Variants in IFI44L observed in about 807,000 individuals in gnomAD.
IFI44L encodes interferon induced protein 44 like.
In IFI44L, 40 loss-of-function variants were observed where a neutral mutation model predicts 39.3. The ratio of observed to expected loss-of-function variants is 1.02; its 90% CI spans 0.79 to 1.33. The LOEUF (loss-of-function observed/expected upper bound fraction) is 1.33, where lower values mean the gene tolerates loss of function less well. Ranked by LOEUF, IFI44L falls within the 40% of genes most tolerant of loss-of-function variation. The pLI is 0.00. For synonymous variants in IFI44L, 198 were observed against 182.3 expected (o/e 1.09, Z -0.69); for missense variants, 623 against 549.0 (o/e 1.13, Z -1.35).
chr1:78,633,153 C>A (rs1001713757), intron 4 of IFI44L, among the ~76,000 whole-genome samples: 4 of 152,142 alleles, frequency 2.6e-5, no homozygotes, highest in African/African-American at 7.2e-5. Flanking sequence ...ATCTGCATCA[C>A]CCCCCTCAAC....
At chr1:78,624,772 C>T (rs1294049501) in intron 1 of IFI44L, among the ~76,000 whole-genome samples, 2 of 152,138 alleles carry the variant, frequency 1.3e-5, no homozygotes, top group African/African-American at 4.8e-5. Context: ...GTTGGATGAA[C>T]ATATATTTAT....
intron 1 of IFI44L, chr1:78,626,731 T>C (rs1034409032): frequency 1.3e-5 from 2 of 152,010 alleles, no homozygotes; most frequent in Non-Finnish European, 2.9e-5. Flanking sequence ...GGTTTTTTTT[T>C]ACGTGGATGA....
At chr1:78,641,180 T>C in intron 7 of IFI44L, 59 bp downstream of exon 7, 1 of 1,169,716 alleles carries the variant, frequency 8.5e-7, no homozygotes, top group South Asian at 1.2e-5. Context: ...CATACGTGTG[T>C]GTGTTTGTGT....
rs1482715286 is a variant in IFI44L at position 78,643,643 on chromosome 1, T to TG, written c.*1834_*1835insG. Reference sequence around the variant, plus strand: ...TTTTTTTTGTTTGTTTTGTTTTTTTTTTGTTGTTGTTTTTTTTTTTTTTTG... The same window carrying TG: ...TTTTTTTTGTTTGTTTTGTTTTTTTTGTTGTTGTTGTTTTTTTTTTTTTTTG... On this transcript the variant is annotated 3_prime_UTR_variant, in exon 9 of 9. Coordinates refer to ENST00000370751, the MANE Select transcript of IFI44L (RefSeq NM_006820.4). 275 of 97,892 alleles carry TG rather than the reference T, an allele frequency of 2.8e-3. No homozygotes were observed. The highest frequency in any genetic ancestry group is 7.4e-3 in the African/African-American group (265 of 35,732). 6.1% of individuals were successfully genotyped at this position (97,892 alleles called of 1,614,324 possible).
chr1:78,625,122 T>C (rs1384119551), intron 1 of IFI44L, among the ~76,000 whole-genome samples: 1 of 151,972 alleles, frequency 6.6e-6, no homozygotes, highest in Non-Finnish European at 1.5e-5. Context: ...TCCATCTATA[T>C]TTATAAAAGA....
At chr1:78,633,225 C>T (rs1402657356) in intron 4 of IFI44L, among the ~76,000 whole-genome samples, 1 of 152,176 alleles carries the variant, frequency 6.6e-6, no homozygotes, top group East Asian at 1.9e-4. Context: ...GAAGTGAGCA[C>T]AGGACTTTGC....
intron 4 of IFI44L, among the ~76,000 whole-genome samples, chr1:78,635,014 G>C (rs1213197306): frequency 1.9e-5 from 1 of 51,692 alleles, no homozygotes; most frequent in Non-Finnish European, 3.5e-5. Context: ...GTGTGTGTGT[G>C]TGTGTGTATG....
In IFI44L at chr1:78,637,199, C is replaced by T; in HGVS notation, c.1044C>T (p.Asn348=). Residue 348 remains asparagine, a synonymous_variant, in exon 6 of 9, where the codon AAC becomes AAT. Coordinates refer to ENST00000370751, the MANE Select transcript of IFI44L (RefSeq NM_006820.4). The part of the protein sequence containing the change: ...KVKQVHKEVL[N]CGIAYVALLT... Reference sequence around the variant, plus strand: ...AGCAAGTTCACAAAGAAGTATTAAACTGTGGTGAGTCTCACTGAACTTATA... The same window carrying T: ...AGCAAGTTCACAAAGAAGTATTAAATTGTGGTGAGTCTCACTGAACTTATA... 1 of 1,599,768 alleles carries T rather than the reference C, an allele frequency of 6.3e-7. No homozygotes were observed. The highest frequency in any genetic ancestry group is 1.4e-5 in the African/African-American group (1 of 73,858).
Position 78,627,946 on chromosome 1 carries a change from G to T in IFI44L, c.31G>T (p.Asp11Tyr). 6.2e-7 allele frequency: 1 copy of T among 1,605,226 alleles called. No individual in the cohort carries two copies. The highest frequency in any genetic ancestry group is 8.5e-7 in the Non-Finnish European group (1 of 1,176,328). The change falls in exon 2 of 9, where the codon GAT becomes TAT. Residue 11 changes from aspartate to tyrosine, a missense_variant. Physicochemically the swap from Asp to Tyr is radical, Grantham distance 160. Transcript: ENST00000370751. Reference protein sequence around the residue: MEVTTRLTWNDENHLRKLLGN... With the variant: MEVTTRLTWNYENHLRKLLGN... ...AGTGACAACAAGATTGACATGGAAT[G>T]ATGAAAATCATCTGCGCAAGCTGCT... is the stretch of plus-strand genomic sequence containing the variant.
intron 4 of IFI44L, 116 bp from the exon 5 acceptor site, chr1:78,635,221 C>T (rs1262906628): frequency 6.3e-6 from 5 of 791,448 alleles, no homozygotes; most frequent in Non-Finnish European, 1.0e-5. Flanking sequence ...GTCCTGAGAC[C>T]AAACTGTTTG....
In IFI44L at chr1:78,644,888, A is replaced by G. The variant is rs1647030478; in HGVS notation, c.*3079A>G. ...CGTTAGGTTGTTGCATTAGAAAGTG[A>G]CTGTTTCTGACAGAAATTTGTAGCT... On this transcript the variant is annotated 3_prime_UTR_variant, in exon 9 of 9. Coordinates refer to ENST00000370751, the MANE Select transcript of IFI44L (RefSeq NM_006820.4). The G allele has an allele frequency of 6.6e-6, 1 of 152,140 alleles. No individual in the cohort carries two copies. Among genetic ancestry groups the G allele is most frequent in the Non-Finnish European group, 1.5e-5 (1 of 68,014 alleles). The allele number at this position is 152,140 out of a possible 1,614,324, so 9.4% of individuals were successfully genotyped here.
chr1:78,624,015 T>G (rs1260568605), intron 1 of IFI44L, among the ~76,000 whole-genome samples: 1 of 152,190 alleles, frequency 6.6e-6, no homozygotes, highest in Non-Finnish European at 1.5e-5. Context: ...TTTCCTTTCT[T>G]TTCTTTTTTT....
intron 5 of IFI44L, 158 bp downstream of exon 5, chr1:78,635,647 T>C (rs1204195553): frequency 9.3e-6 from 6 of 647,998 alleles, no homozygotes; most frequent in Non-Finnish European, 1.6e-5. Context: ...TATGAAAAAG[T>C]AGAGTGACTA....
intron 5 of IFI44L, chr1:78,635,979 T>G (rs1652936717): frequency 6.0e-6 from 1 of 166,442 alleles, no homozygotes; most frequent in Non-Finnish European, 1.3e-5. Flanking sequence ...TTTTTTTTTT[T>G]TTTTCAGGTG....
chr1:78,632,416 G>A (rs938652295), intron 4 of IFI44L, among the ~76,000 whole-genome samples: 1 of 152,192 alleles, frequency 6.6e-6, no homozygotes, highest in Non-Finnish European at 1.5e-5. Context: ...AATATTGCAT[G>A]ATGAAATGTG....
intron 4 of IFI44L, 144 bp downstream of exon 4, chr1:78,630,059 C>T (rs1173363185): frequency 6.5e-6 from 5 of 774,640 alleles, no homozygotes; most frequent in South Asian, 6.1e-5. Flanking sequence ...TGATCAGAAC[C>T]ACCTCCATTG....
chr1:78,629,974 C>A (rs1652688145), intron 4 of IFI44L, 59 bp downstream of exon 4: 1 of 1,457,468 alleles, frequency 6.9e-7, no homozygotes, highest in Non-Finnish European at 9.5e-7. Context: ...TTGCTTATGT[C>A]TTTGCCTTTT....
intron 4 of IFI44L, chr1:78,630,323 GA>G (rs1293138858): frequency 1.9e-5 from 3 of 155,808 alleles, no homozygotes; most frequent in African/African-American, 7.3e-5. Context: ...CATTCTCTAA[GA>G]CATGGTCATG....
At chr1:78,630,078 T>G (rs1652693118) in intron 4 of IFI44L, 163 bp downstream of exon 4, 1 of 646,926 alleles carries the variant, frequency 1.5e-6, no homozygotes, top group Non-Finnish European at 2.7e-6. Context: ...TGTGCTATAT[T>G]ATACAGAGAA....
Sources: allele counts gnomAD v4.1 joint callset (sites outside exome capture counted in the v4.1 genomes callset), GRCh38; gene constraint gnomAD v4.1.1; transcripts MANE v1.5; gene names NCBI Gene and HGNC (gene_info 2026-07-23, HGNC 2026-07-21).